Variants in ARHGAP32 observed in about 807,000 individuals in gnomAD.
The protein encoded by ARHGAP32 is Rho GTPase activating protein 32.
Under a neutral mutation model 186.5 loss-of-function variants are expected in ARHGAP32, and 51 were observed. The observed-to-expected ratio is 0.27, with a 90% CI of 0.22 to 0.35. ARHGAP32 has a LOEUF of 0.35. Among genes scored for constraint, ARHGAP32 ranks in the 10% least tolerant of loss-of-function variants. The pLI is 1.00. For synonymous variants in ARHGAP32, 950 were observed against 964.3 expected (o/e 0.99, Z 0.27); for missense variants, 2,186 against 2,623.5 (o/e 0.83, Z 3.64).
At chr11:129,191,987 C>T (rs1944279611) in intron 1 of ARHGAP32, 96 bp downstream of exon 1, 1 of 910,188 alleles carries the variant, frequency 1.1e-6, no homozygotes, top group South Asian at 1.5e-5. Flanking sequence ...AACAGAAAGT[C>T]TTATTGGAAA....
At chr11:129,217,749 T>C (rs1944663850) in intron 1 of ARHGAP32, among the ~76,000 whole-genome samples, 1 of 152,206 alleles carries the variant, frequency 6.6e-6, no homozygotes, top group Non-Finnish European at 1.5e-5. Flanking sequence ...AGGATTATTC[T>C]AATTTTTGAA....
chr11:129,081,123 A>T (rs1941206292), intron 6 of ARHGAP32, among the ~76,000 whole-genome samples: 1 of 151,920 alleles, frequency 6.6e-6, no homozygotes. Context: ...AATTTTAAAA[A>T]CTGCCAACAA....
chr11:129,003,156 T>C (rs1288857289), intron 11 of ARHGAP32, among the ~76,000 whole-genome samples: 1 of 152,236 alleles, frequency 6.6e-6, no homozygotes, highest in Non-Finnish European at 1.5e-5. Context: ...TCATATGGTA[T>C]TGTCCTTCAT....
chr11:129,068,983 A>T (rs146487654), intron 6 of ARHGAP32, among the ~76,000 whole-genome samples: 8 of 152,216 alleles, frequency 5.3e-5, no homozygotes, highest in Admixed American at 1.3e-4. Flanking sequence ...GAAAATAAGT[A>T]TCCAATAAAA....
intron 5 of ARHGAP32, among the ~76,000 whole-genome samples, chr11:129,114,222 G>C (rs544344394): frequency 6.6e-6 from 1 of 152,200 alleles, no homozygotes; most frequent in South Asian, 2.1e-4. Context: ...AGAGGGAGCT[G>C]AACAATGAAA....
rs144567424 is a variant in ARHGAP32, at chr11:129,065,994, A to G, written c.669+737T>C. ...TGCTCTTACTAAATTAATTTAAATG[A>G]TCCTATATTCGTTTACAACATCTCT... is the stretch of plus-strand genomic sequence containing the variant. On this transcript the variant is annotated intron_variant, in intron 7 of 22. Transcript: ENST00000682385. Among the ~76,000 whole-genome samples the G allele has an allele frequency of 3.7e-3, 566 of 152,244 alleles. 5 individuals carry two copies. Among genetic ancestry groups the G allele is most frequent in the Middle Eastern group, 0.014 (4 of 294 alleles).
Position 128,968,647 on chromosome 11 carries a change from T to C in ARHGAP32, c.*260A>G, listed in dbSNP as rs1945271841. On this transcript the variant is annotated 3_prime_UTR_variant, in exon 23 of 23. Coordinates refer to ENST00000682385, the MANE Select transcript of ARHGAP32 (RefSeq NM_001378024.1). ...GATGGCAAGTGTGTCCTGAGACAGG[T>C]TTCTCTACTGGGTTTCAGCACGGGG... 3.3e-6 allele frequency: 1 copy of C among 302,222 alleles called. No individual in the cohort carries two copies. The highest frequency in any genetic ancestry group is 2.2e-5 in the African/African-American group (1 of 46,442). The allele number at this position is 302,222 out of a possible 1,614,324, so 18.7% of individuals were successfully genotyped here.
At position 128,969,063 on chromosome 11, in the gene ARHGAP32, C is replaced by T; in HGVS notation, c.6150G>A (p.Gln2050=). The part of the protein sequence containing the change: ...LEDYHSLPQH[Q]RGVFGGGGMG... ...TGCCGCCCCCTCCAAAGACTCCTCG[C>T]TGGTGCTGAGGCAGGGAGTGGTAAT... Residue 2050 remains glutamine, a synonymous_variant, in exon 23 of 23, where the codon CAG becomes CAA. Coordinates refer to ENST00000682385, the MANE Select transcript of ARHGAP32 (RefSeq NM_001378024.1). The surrounding 1 kb of genome is among the most constrained non-coding windows in gnomAD (Gnocchi z 4.8). The T allele has an allele frequency of 6.2e-7, 1 of 1,611,992 alleles. No individual in the cohort carries two copies. Among genetic ancestry groups the T allele is most frequent in the Non-Finnish European group, 8.5e-7 (1 of 1,178,614 alleles).
rs1449095498 is a variant in ARHGAP32, at chr11:128,969,023, G to A, written c.6190C>T (p.Pro2064Ser). 1.9e-6 allele frequency: 3 copies of A among 1,611,442 alleles called. No individual in the cohort carries two copies. The highest frequency in any genetic ancestry group is 1.3e-5 in the African/African-American group (1 of 74,868). The part of the protein sequence containing the change: ...FGGGGMGTYV[P>S]PGFPHPQSRT... The stretch of plus-strand genomic sequence containing the variant: ...CTCTGTGGATGGGGAAAGCCAGGGG[G>A]CACATACGTCCCCATGCCGCCCCCT... The change falls in exon 23 of 23, where the codon CCC becomes TCC. Residue 2064 changes from proline (P) to serine (S), a missense_variant. Physicochemically the swap from Pro to Ser is moderately conservative, Grantham distance 74. Coordinates refer to ENST00000682385, the MANE Select transcript of ARHGAP32 (RefSeq NM_001378024.1). This position sits in a 1 kb window ranked among gnomAD's most constrained non-coding sequence, Gnocchi z 4.8.
chr11:129,238,518 G>T (rs1432142869), intron 1 of ARHGAP32, among the ~76,000 whole-genome samples: 1 of 152,068 alleles, frequency 6.6e-6, no homozygotes, highest in East Asian at 1.9e-4. Context: ...TCAGTAACAG[G>T]TGCTCTTATA....
At chr11:129,159,916 C>T (rs1031049166) in intron 2 of ARHGAP32, among the ~76,000 whole-genome samples, 1 of 152,174 alleles carries the variant, frequency 6.6e-6, no homozygotes, top group Non-Finnish European at 1.5e-5. Context: ...GCTGGTTCAA[C>T]ATATGAAAAT....
intron 10 of ARHGAP32, among the ~76,000 whole-genome samples, chr11:129,058,232 CTCTCTCTA>C (rs1940339975): frequency 7.3e-6 from 1 of 136,982 alleles, no homozygotes; most frequent in African/African-American, 2.6e-5. Context: ...CTCTCTCTCT[CTCTCTCTA>C]TATATATATA....
At chr11:129,202,898 T>A (rs1020023521) in intron 1 of ARHGAP32, 1 of 151,060 alleles carries the variant, frequency 6.6e-6, no homozygotes, top group African/African-American at 2.4e-5. Context: ...GGGGGGAAAA[T>A]AAAAAAAAGA....
intron 11 of ARHGAP32, among the ~76,000 whole-genome samples, chr11:129,031,807 C>T (rs1377644781): frequency 6.6e-6 from 1 of 152,190 alleles, no homozygotes; most frequent in African/African-American, 2.4e-5. Flanking sequence ...CGCTCCTTAT[C>T]CTGTGCCCAT....
chr11:129,079,410 C>A (rs1941153305), intron 6 of ARHGAP32, among the ~76,000 whole-genome samples: 1 of 152,150 alleles, frequency 6.6e-6, no homozygotes, highest in Non-Finnish European at 1.5e-5. Flanking sequence ...TCAGCAGAAA[C>A]CTTACAAACT....
intron 1 of ARHGAP32, among the ~76,000 whole-genome samples, chr11:129,236,213 T>C (rs75564235): frequency 6.6e-6 from 1 of 152,162 alleles, no homozygotes; most frequent in African/African-American, 2.4e-5. Flanking sequence ...CCCTTTTCAC[T>C]GCATCCACGT....
At chr11:129,062,674 A>T (rs10893965) in intron 9 of ARHGAP32, among the ~76,000 whole-genome samples, 43,174 of 152,052 alleles carry the variant, frequency 0.28, 6,511 homozygotes, top group Middle Eastern at 0.42. Flanking sequence ...TTCTGTTAAA[A>T]TACTGTTACT....
At chr11:129,243,248 TTCCACCTC>T (rs1187316890) in intron 1 of ARHGAP32, among the ~76,000 whole-genome samples, 4 of 152,162 alleles carry the variant, frequency 2.6e-5, no homozygotes, top group Admixed American at 2.0e-4. Flanking sequence ...TAGTTTTAAC[TTCCACCTC>T]TCCCTTACTC....
intron 1 of ARHGAP32, among the ~76,000 whole-genome samples, chr11:129,208,028 T>A (rs1257676533): frequency 6.6e-6 from 1 of 152,138 alleles, no homozygotes; most frequent in Non-Finnish European, 1.5e-5. Context: ...AACTGAACAA[T>A]CTATGACTAT....
Sources: allele counts gnomAD v4.1 joint callset (sites outside exome capture counted in the v4.1 genomes callset), GRCh38; gene constraint gnomAD v4.1.1; non-coding constraint Gnocchi (gnomAD v3.1); transcripts MANE v1.5; gene names NCBI Gene and HGNC (gene_info 2026-07-23, HGNC 2026-07-21).